The following ATG10 variants were observed in gnomAD, a reference collection of about 807,000 sequenced individuals.
The protein encoded by ATG10 is autophagy related 10, also known as ubiquitin-like-conjugating enzyme ATG10.
A neutral mutation model predicts 32.1 loss-of-function variants in ATG10; 30 were observed. That is an observed-to-expected ratio of 0.94 (90% CI 0.70 to 1.27). The LOEUF (loss-of-function observed/expected upper bound fraction) is 1.27, where lower values mean the gene tolerates loss of function less well. Ranked by LOEUF, ATG10 falls within the 50% of genes most tolerant of loss-of-function variation. The probability of loss-of-function intolerance (pLI) is 0.00; values close to 1 mark genes in which losing one functional copy is unlikely to be tolerated. For synonymous variants in ATG10, 87 were observed against 91.5 expected (o/e 0.95, Z 0.28); for missense variants, 233 against 262.3 (o/e 0.89, Z 0.77).
chr5:82,071,682 CACTAAGGAA>C (rs958919964), intron 3 of ATG10, among the ~76,000 whole-genome samples: 2 of 151,976 alleles, frequency 1.3e-5, no homozygotes, highest in African/African-American at 4.8e-5. Context: ...AGGGGCTCTG[CACTAAGGAA>C]AGTAATTGTC....
At chr5:82,148,589 T>C (rs575362125) in intron 3 of ATG10, among the ~76,000 whole-genome samples, 3 of 152,320 alleles carry the variant, frequency 2.0e-5, no homozygotes, top group Non-Finnish European at 4.4e-5. Context: ...AAGCTACCTG[T>C]AGTTTTTCTG....
chr5:82,047,722 T>A (rs904885310), intron 2 of ATG10, among the ~76,000 whole-genome samples: 1 of 152,046 alleles, frequency 6.6e-6, no homozygotes, highest in Non-Finnish European at 1.5e-5. Context: ...ATACTACTCA[T>A]AGGAAGTCAG....
intron 2 of ATG10, among the ~76,000 whole-genome samples, chr5:82,007,664 T>G (rs886320350): frequency 9.2e-5 from 14 of 152,078 alleles, no homozygotes; most frequent in African/African-American, 2.4e-4. Flanking sequence ...GTATTGCCCA[T>G]GCTGGTATCA....
At chr5:82,206,484 T>TA (rs1280247980) in intron 5 of ATG10, among the ~76,000 whole-genome samples, 3 of 151,436 alleles carry the variant, frequency 2.0e-5, no homozygotes, top group Non-Finnish European at 4.4e-5. Flanking sequence ...CGTCTCTACT[T>TA]AAAAAAATAC....
At chr5:82,223,958 A>G (rs2149996452) in intron 5 of ATG10, among the ~76,000 whole-genome samples, 1 of 152,336 alleles carries the variant, frequency 6.6e-6, no homozygotes, top group East Asian at 1.9e-4. Context: ...ACTAGAGAGC[A>G]AACCAGAACA....
chr5:82,247,202 T>C (rs1747073083), intron 5 of ATG10, among the ~76,000 whole-genome samples: 1 of 152,236 alleles, frequency 6.6e-6, no homozygotes, highest in African/African-American at 2.4e-5. Context: ...TTGAAATTTT[T>C]AGCCAATATT....
intron 3 of ATG10, among the ~76,000 whole-genome samples, chr5:82,058,851 T>G (rs1054510922): frequency 6.6e-6 from 1 of 152,186 alleles, no homozygotes; most frequent in Non-Finnish European, 1.5e-5. Flanking sequence ...GGTATTTTCC[T>G]TTGTAATACT....
At chr5:82,181,848 A>G (rs189299460) in intron 5 of ATG10, among the ~76,000 whole-genome samples, 48 of 152,254 alleles carry the variant, frequency 3.2e-4, no homozygotes, top group Admixed American at 3.1e-3. Context: ...TATTCATGTC[A>G]GATGTAAACC....
chr5:82,110,054 G>GT (rs1282777424), intron 3 of ATG10, among the ~76,000 whole-genome samples: 7 of 151,684 alleles, frequency 4.6e-5, no homozygotes, highest in African/African-American at 1.5e-4. Flanking sequence ...GCGGTGTTTG[G>GT]TTTTTTGTCC....
intron 3 of ATG10, chr5:82,073,282 A>T (rs1764182187): frequency 6.6e-6 from 1 of 152,200 alleles, no homozygotes; most frequent in African/African-American, 2.4e-5. Context: ...TTTGTTTTTT[A>T]AAAATGCTGG....
At chr5:82,130,232 T>A (rs1766465953) in intron 3 of ATG10, among the ~76,000 whole-genome samples, 1 of 152,190 alleles carries the variant, frequency 6.6e-6, no homozygotes, top group African/African-American at 2.4e-5. Flanking sequence ...TTCAGACTGC[T>A]ATGCTGGCAG....
chr5:82,133,112 G>C (rs1766607174), intron 3 of ATG10, among the ~76,000 whole-genome samples: 1 of 152,110 alleles, frequency 6.6e-6, no homozygotes, highest in Non-Finnish European at 1.5e-5. Flanking sequence ...ATTTGTTTAA[G>C]TTCTTTGTAG....
intron 2 of ATG10, among the ~76,000 whole-genome samples, chr5:82,057,283 T>C (rs1763634620): frequency 6.6e-6 from 1 of 152,172 alleles, no homozygotes; most frequent in African/African-American, 2.4e-5. Flanking sequence ...AGGAATGTTA[T>C]AACAAGGAAC....
Position 82,045,170 on chromosome 5 carries a change from T to G in ATG10, c.109-13325T>G, listed in dbSNP as rs528142427. ...GAAAACTCCAATTTTATATTTTATG[T>G]TTGGTTTTCTAGTTGTTTAATGTGG... On this transcript the variant is annotated intron_variant, in intron 2 of 7. Coordinates refer to ENST00000282185, the MANE Select transcript of ATG10 (RefSeq NM_031482.5). Among the ~76,000 whole-genome samples, 5 of 152,306 alleles carry G rather than the reference T, an allele frequency of 3.3e-5. No individual in the cohort carries two copies. In the East Asian group the frequency reaches 9.6e-4, roughly 29 times the overall value.
chr5:82,111,729 ATCTT>A (rs1399913809), intron 3 of ATG10, among the ~76,000 whole-genome samples: 1 of 151,976 alleles, frequency 6.6e-6, no homozygotes, highest in African/African-American at 2.4e-5. Context: ...TGATCCTCAA[ATCTT>A]TCTACAAATG....
At chr5:82,158,688 A>G (rs1235833922) in intron 3 of ATG10, among the ~76,000 whole-genome samples, 1 of 152,112 alleles carries the variant, frequency 6.6e-6, no homozygotes, top group Admixed American at 6.6e-5. Flanking sequence ...CCTAGGGCTC[A>G]CTGTATACCC....
chr5:82,128,127 CT>C lies in ATG10; in HGVS notation c.217-36270del, dbSNP rs565541486. On this transcript the variant is annotated intron_variant, in intron 3 of 7. Coordinates refer to ENST00000282185, the MANE Select transcript of ATG10 (RefSeq NM_031482.5). ...AACCCCTGATTTTTTGTTTTTTTGCCTTCCATTTGCTTGGTAATTATTCCTT... is the reference window on the plus strand; with the variant it reads ...AACCCCTGATTTTTTGTTTTTTTGCCTCCATTTGCTTGGTAATTATTCCTT... 1.3e-4 allele frequency among the ~76,000 whole-genome samples: 20 copies of C among 151,272 alleles called. No individual in the cohort carries two copies. In the South Asian group the frequency reaches 3.8e-3, roughly 28 times the overall value.
chr5:82,133,412 G>A (rs1391554115), intron 3 of ATG10, among the ~76,000 whole-genome samples: 1 of 152,090 alleles, frequency 6.6e-6, no homozygotes, highest in Non-Finnish European at 1.5e-5. Context: ...AACGTGTAAG[G>A]AAAGCGTCCA....
At chr5:82,053,149 A>G (rs1332517346) in intron 2 of ATG10, among the ~76,000 whole-genome samples, 1 of 152,184 alleles carries the variant, frequency 6.6e-6, no homozygotes, top group African/African-American at 2.4e-5. Context: ...TTGTCTATAC[A>G]TTCCCTTTCA....
Sources: gnomAD v4.1 joint callset for allele counts (sites outside exome capture counted in the v4.1 genomes callset) on GRCh38, gnomAD v4.1.1 for gene constraint, MANE v1.5 for transcripts, NCBI Gene and HGNC (gene_info 2026-07-23, HGNC 2026-07-21) for gene names.